Variants in TEX36 observed in about 807,000 individuals in gnomAD.
The protein encoded by TEX36 is testis-expressed protein 36.
Under a neutral mutation model 13.6 loss-of-function variants are expected in TEX36, and 12 were observed. The ratio of observed to expected loss-of-function variants is 0.88; its 90% CI spans 0.56 to 1.43. The LOEUF (loss-of-function observed/expected upper bound fraction) is 1.43, where lower values mean the gene tolerates loss of function less well. Among genes scored for constraint, TEX36 ranks in the 40% most tolerant of loss-of-function variants. TEX36 has a pLI of 0.00. For missense variants in TEX36, 224 were observed against 228.3 expected (o/e 0.98, Z 0.12); for synonymous variants, 93 against 83.0 (o/e 1.12, Z -0.65).
intron 3 of TEX36, among the ~76,000 whole-genome samples, chr10:125,623,278 C>A (rs933247041): frequency 2.0e-5 from 3 of 152,294 alleles, no homozygotes; most frequent in Non-Finnish European, 2.9e-5. Context: ...CACTGCTGCT[C>A]TGGCAGCTGA....
At chr10:125,588,587 C>T (rs1422433878) in intron 3 of TEX36, among the ~76,000 whole-genome samples, 1 of 121,494 alleles carries the variant, frequency 8.2e-6, no homozygotes, top group Admixed American at 8.6e-5. Flanking sequence ...AGGCCCCAGG[C>T]TCTTGGTTTG....
chr10:125,590,214 A>G (rs1846004466), intron 3 of TEX36, among the ~76,000 whole-genome samples: 1 of 152,030 alleles, frequency 6.6e-6, no homozygotes, highest in Non-Finnish European at 1.5e-5. Context: ...TCCTGGGCTC[A>G]AGCAATTCTC....
intron 3 of TEX36, among the ~76,000 whole-genome samples, chr10:125,581,955 G>C (rs1845888379): frequency 6.6e-6 from 1 of 152,222 alleles, no homozygotes; most frequent in South Asian, 2.1e-4. Context: ...AGGCAGCAGT[G>C]AGAGGAGGAG....
intron 3 of TEX36, among the ~76,000 whole-genome samples, chr10:125,587,787 A>T (rs984472566): frequency 9.0e-4 from 44 of 48,662 alleles, no homozygotes; most frequent in Admixed American, 2.2e-4. Flanking sequence ...TCTCAAAATT[A>T]AAAAAAAAAA....
At chr10:125,629,028 T>C (rs1487803460) in intron 3 of TEX36, among the ~76,000 whole-genome samples, 1 of 152,238 alleles carries the variant, frequency 6.6e-6, no homozygotes, top group Non-Finnish European at 1.5e-5. Context: ...GCTATTTCAT[T>C]GCCCAGTCAT....
At chr10:125,608,767 G>A (rs1021279226) in intron 3 of TEX36, among the ~76,000 whole-genome samples, 5 of 152,092 alleles carry the variant, frequency 3.3e-5, no homozygotes, top group South Asian at 2.1e-4. Flanking sequence ...AGAGAGGGAA[G>A]GCAGACAGGA....
intron 3 of TEX36, among the ~76,000 whole-genome samples, chr10:125,609,161 AAACAAAAC>A (rs1554999449): frequency 0.032 from 2,549 of 79,476 alleles, 121 homozygotes; most frequent in African/African-American, 0.11. Flanking sequence ...TCTCAGGAAA[AAACAAAAC>A]AAAAAAAAAA....
chr10:125,658,691 A>G (rs1325597325), intron 3 of TEX36, among the ~76,000 whole-genome samples: 1 of 152,138 alleles, frequency 6.6e-6, no homozygotes, highest in Non-Finnish European at 1.5e-5. Flanking sequence ...ACCATAACCC[A>G]TAAAACTAGA....
rs999049654 is a variant in TEX36 at position 125,662,062 on chromosome 10, T to G, written c.52-85A>C. On this transcript the variant is annotated intron_variant, in intron 1 of 3. Transcript: ENST00000368821. ...ATCAGGGCTTCCTTTGTACAGTGAT[T>G]AAAATGCAATTTGGGTGCTTTTGGC... 1.3e-5 allele frequency: 20 copies of G among 1,492,508 alleles called. No homozygotes were observed. In the Admixed American group the frequency reaches 3.8e-4, roughly 29 times the overall value. The allele number at this position is 1,492,508 out of a possible 1,614,324, so 92.5% of individuals were successfully genotyped here.
Position 125,602,892 on chromosome 10 carries a change from C to T in TEX36, c.265-26018G>A, listed in dbSNP as rs1026632604. The stretch of plus-strand genomic sequence containing the variant: ...CAAACGCATGCGGTACAAATGAATA[C>T]TTCGAGGACAGCCTGATGATTACAT... On this transcript the variant is annotated intron_variant, in intron 3 of 3. Transcript: ENST00000532135. Among the ~76,000 whole-genome samples, 29 of 152,230 alleles carry T rather than the reference C, an allele frequency of 1.9e-4. 1 individual carries two copies. The highest frequency in any genetic ancestry group is 1.5e-3 in the Admixed American group (23 of 15,284).
At chr10:125,621,567 T>C (rs1846429742), downstream of TEX36, 1 of 455,794 alleles carries the variant, frequency 2.2e-6, no homozygotes, top group Non-Finnish European at 4.4e-6. Flanking sequence ...AGGATATATG[T>C]ATGTATAAAA....
At chr10:125,583,075 G>A (rs1845902503) in intron 3 of TEX36, among the ~76,000 whole-genome samples, 1 of 152,192 alleles carries the variant, frequency 6.6e-6, no homozygotes, top group South Asian at 2.1e-4. Flanking sequence ...AAAACTGGTA[G>A]GATTTTAATT....
At chr10:125,591,552 T>C (rs1427094933) in intron 3 of TEX36, among the ~76,000 whole-genome samples, 2 of 152,216 alleles carry the variant, frequency 1.3e-5, no homozygotes, top group African/African-American at 2.4e-5. Flanking sequence ...AGCTTCACTA[T>C]GTGTGTGTAC....
intron 3 of TEX36, among the ~76,000 whole-genome samples, chr10:125,595,748 A>T (rs890379362): frequency 1.3e-5 from 2 of 152,122 alleles, no homozygotes; most frequent in Non-Finnish European, 2.9e-5. Context: ...TCCTCAGAGC[A>T]TCCTGCCCTT....
At chr10:125,671,822 T>C (rs909985944) in intron 1 of TEX36, among the ~76,000 whole-genome samples, 2 of 152,248 alleles carry the variant, frequency 1.3e-5, no homozygotes, top group Non-Finnish European at 2.9e-5. Flanking sequence ...GTTATTGGTC[T>C]ATTCAGGGAT....
intron 3 of TEX36, among the ~76,000 whole-genome samples, chr10:125,599,079 G>A (rs1368976604): frequency 6.6e-6 from 1 of 152,146 alleles, no homozygotes; most frequent in East Asian, 1.9e-4. Flanking sequence ...AGATGAAAAG[G>A]TACTTATCTT....
chr10:125,655,805 A>C lies in TEX36; in HGVS notation c.*95T>G, dbSNP rs1846930605. 1 of 1,354,666 alleles carries C rather than the reference A, an allele frequency of 7.4e-7. No individual in the cohort carries two copies. Among genetic ancestry groups the C allele is most frequent in the Non-Finnish European group, 9.5e-7 (1 of 1,049,532 alleles). The allele number at this position is 1,354,666 out of a possible 1,614,324, so 83.9% of individuals were successfully genotyped here. A position where few individuals can be genotyped will look rare whatever the true frequency, so the allele number is the denominator to read the frequency against. On this transcript the variant is annotated 3_prime_UTR_variant, in exon 4 of 4. Transcript: ENST00000368821. ...ATAAAAATCATAAAAGTACTTTAAA[A>C]ATTAAATAGTGGTGCTGGATCAGAA...
chr10:125,678,034 G>T (rs2133614249), intron 1 of TEX36, among the ~76,000 whole-genome samples: 1 of 152,268 alleles, frequency 6.6e-6, no homozygotes, highest in Middle Eastern at 3.4e-3. Flanking sequence ...ATTTCTTTTT[G>T]ATTAAGATCT....
intron 3 of TEX36, among the ~76,000 whole-genome samples, chr10:125,626,322 C>CAGAG (rs1846489601): frequency 6.6e-6 from 1 of 152,190 alleles, no homozygotes; most frequent in South Asian, 2.1e-4. Flanking sequence ...TCACTTTCCA[C>CAGAG]AGAGGGTGCT....
Sources: allele counts gnomAD v4.1 joint callset (sites outside exome capture counted in the v4.1 genomes callset), GRCh38; gene constraint gnomAD v4.1.1; transcripts MANE v1.5; gene names NCBI Gene and HGNC (gene_info 2026-07-23, HGNC 2026-07-21).